The following DDI2 variants were observed in gnomAD, a reference collection of about 807,000 sequenced individuals.
The protein encoded by DDI2 is DDI proteasomal shuttling factor 2, also known as protein DDI1 homolog 2.
A neutral mutation model predicts 48.1 loss-of-function variants in DDI2; 5 were observed. That is an observed-to-expected ratio of 0.10 (90% confidence interval 0.05 to 0.22). The LOEUF (loss-of-function observed/expected upper bound fraction) is 0.22, where lower values mean the gene tolerates loss of function less well. Among genes scored for constraint, DDI2 ranks in the 10% least tolerant of loss-of-function variants. The probability of loss-of-function intolerance (pLI) is 1.00; values close to 1 mark genes in which losing one functional copy is unlikely to be tolerated. For synonymous variants in DDI2, 205 were observed against 183.6 expected, an observed-to-expected ratio of 1.12 and a Z score of -0.94; for missense variants, 285 against 506.2, an observed-to-expected ratio of 0.56 and a Z score of 4.19.
rs778812658 is a variant in DDI2, at chr1:15,660,661, ACAGG to A, written c.*879_*882del. The A allele has an allele frequency of 6.2e-7, 1 of 1,614,224 alleles. No homozygotes were observed. The highest frequency in any genetic ancestry group is 8.5e-7 in the Non-Finnish European group (1 of 1,180,048). On this transcript the variant is annotated 3_prime_UTR_variant, in exon 10 of 10. Transcript: ENST00000480945. ...GTCCCTAGTTACTTTGCTTAATTCA[ACAGG>A]CAGGCAGAATGCCAATGTCAAGAAC...
At position 15,665,788 on chromosome 1, in the gene DDI2, A is replaced by G. The variant is rs919348645; in HGVS notation, c.*5998A>G. On this transcript the variant is annotated 3_prime_UTR_variant, in exon 10 of 10. Transcript: ENST00000480945. ...GCCAGAAAAGCTGCAGGGCGTTGCA[A>G]TGGCCTTTTCCTACCTGTTTGCCAC... is the stretch of plus-strand genomic sequence containing the variant. 20 of 152,332 alleles carry G rather than the reference A, an allele frequency of 1.3e-4. No homozygotes were observed. The highest frequency in any genetic ancestry group is 1.9e-4 in the African/African-American group (8 of 41,582). 9.4% of individuals were successfully genotyped at this position (152,332 alleles called of 1,614,324 possible). A position where few individuals can be genotyped will look rare whatever the true frequency, so the allele number is the denominator to read the frequency against.
chr1:15,650,406 G>A (rs1640158858), intron 7 of DDI2, among the ~76,000 whole-genome samples: 1 of 152,160 alleles, frequency 6.6e-6, no homozygotes, highest in Admixed American at 6.5e-5. Context: ...TGGTATGGCT[G>A]TAGACCTCAC....
At chr1:15,653,779 G>C (rs1010370592) in intron 8 of DDI2, among the ~76,000 whole-genome samples, 1 of 152,130 alleles carries the variant, frequency 6.6e-6, no homozygotes, top group African/African-American at 2.4e-5. Context: ...TTATAGGAAC[G>C]AGACACCATG....
intron 4 of DDI2, among the ~76,000 whole-genome samples, chr1:15,634,992 G>A (rs1468067180): frequency 6.6e-6 from 1 of 152,098 alleles, no homozygotes; most frequent in African/African-American, 2.4e-5. Context: ...GCTCATGCCT[G>A]TAATCCCAAC....
chr1:15,653,884 AATC>A (rs1321927596), intron 8 of DDI2, among the ~76,000 whole-genome samples: 1 of 152,162 alleles, frequency 6.6e-6, no homozygotes, highest in Admixed American at 6.6e-5. Flanking sequence ...TATATATTGA[AATC>A]ATGCTACCTA....
intron 4 of DDI2, 107 bp from the exon 5 acceptor site, chr1:15,638,200 T>A: frequency 1.3e-6 from 2 of 1,530,310 alleles, no homozygotes; most frequent in Non-Finnish European, 1.8e-6. Flanking sequence ...CTGCTGTGCT[T>A]GGGGCAAAAG....
At chr1:15,633,723 T>G in intron 4 of DDI2, 158 bp downstream of exon 4, 1 of 1,091,478 alleles carries the variant, frequency 9.2e-7, no homozygotes, top group Non-Finnish European at 1.4e-6. Context: ...TCCTCTTTCA[T>G]TTTCTATGCA....
rs573648039 is a variant in DDI2, at chr1:15,661,951, G to A, written c.*2161G>A. On this transcript the variant is annotated 3_prime_UTR_variant, in exon 10 of 10. Coordinates refer to ENST00000480945, the MANE Select transcript of DDI2 (RefSeq NM_032341.5). ...TGTTAAAATTTAGGCCTTTTTAAATGTATTGGCAGTATGTGCATACAGAAG... is the reference window on the plus strand; with the variant it reads ...TGTTAAAATTTAGGCCTTTTTAAATATATTGGCAGTATGTGCATACAGAAG... 7.9e-6 allele frequency: 4 copies of A among 503,732 alleles called. No individual in the cohort carries two copies. Among genetic ancestry groups the A allele is most frequent in the African/African-American group, 7.8e-5 (4 of 51,256 alleles). The allele number at this position is 503,732 out of a possible 1,614,324, so 31.2% of individuals were successfully genotyped here.
At chr1:15,641,384 A>G (rs1640004976) in intron 5 of DDI2, among the ~76,000 whole-genome samples, 1 of 152,082 alleles carries the variant, frequency 6.6e-6, no homozygotes, top group Non-Finnish European at 1.5e-5. Context: ...AGGCAGGACA[A>G]TAGCCTGAAC....
chr1:15,645,711 A>AT (rs1557620120), intron 6 of DDI2, among the ~76,000 whole-genome samples: 1 of 152,052 alleles, frequency 6.6e-6, no homozygotes, highest in African/African-American at 2.4e-5. Context: ...TCTACAAAAA[A>AT]TTTTTTTAAA....
chr1:15,649,531 C>T (rs1195226226), intron 6 of DDI2, among the ~76,000 whole-genome samples, 189 bp from the exon 7 acceptor site: 1 of 151,790 alleles, frequency 6.6e-6, no homozygotes, highest in African/African-American at 2.4e-5. Flanking sequence ...ATTAGCCAGG[C>T]GTGGTGGCAC....
chr1:15,640,399 A>G (rs1639988997), intron 5 of DDI2, among the ~76,000 whole-genome samples: 1 of 152,228 alleles, frequency 6.6e-6, no homozygotes, highest in South Asian at 2.1e-4. Context: ...TCTTTTACAC[A>G]TAAGGAAACT....
chr1:15,658,155 AT>A (rs1209257693), intron 9 of DDI2, among the ~76,000 whole-genome samples: 1 of 151,672 alleles, frequency 6.6e-6, no homozygotes, highest in Non-Finnish European at 1.5e-5. Flanking sequence ...TTTTATTATT[AT>A]TATTTTTTAT....
At position 15,665,262 on chromosome 1, in the gene DDI2, CAA is replaced by C. The variant is rs1220947128; in HGVS notation, c.*5489_*5490del. 36 of 95,876 alleles carry C rather than the reference CAA, an allele frequency of 3.8e-4. No individual in the cohort carries two copies. The highest frequency in any genetic ancestry group is 5.0e-4 in the Admixed American group (4 of 8,000). The allele number at this position is 95,876 out of a possible 1,614,324, so 5.9% of individuals were successfully genotyped here. A position where few individuals can be genotyped will look rare whatever the true frequency, so the allele number is the denominator to read the frequency against. On this transcript the variant is annotated 3_prime_UTR_variant, in exon 10 of 10. Coordinates refer to ENST00000480945, the MANE Select transcript of DDI2 (RefSeq NM_032341.5). ...GGGCAACAAGAGCAAAACTCTGTCT[CAA>C]AAAAAAAAAAAAAAAAGGTAACCAG...
intron 5 of DDI2, among the ~76,000 whole-genome samples, chr1:15,643,219 C>T (rs1640037578): frequency 6.6e-6 from 1 of 152,220 alleles, no homozygotes. Flanking sequence ...TTTAGCATTG[C>T]CATCTGTAGA....
Position 15,663,401 on chromosome 1 carries a change from GTATGT to G in DDI2, c.*3615_*3619del, listed in dbSNP as rs1356664498. 6.6e-6 allele frequency: 1 copy of G among 152,170 alleles called. No individual in the cohort carries two copies. Among genetic ancestry groups the G allele is most frequent in the African/African-American group, 2.4e-5 (1 of 41,444 alleles). 9.4% of individuals were successfully genotyped at this position (152,170 alleles called of 1,614,324 possible). ...TTTCCTTTTGCTATGATGTTTGTAT[GTATGT>G]TATAAGACTTTAGTGATGGGATGGC... On this transcript the variant is annotated 3_prime_UTR_variant, in exon 10 of 10. Coordinates refer to ENST00000480945, the MANE Select transcript of DDI2 (RefSeq NM_032341.5).
chr1:15,659,897 T>G lies in DDI2; in HGVS notation c.*107T>G, dbSNP rs1487294636. 8 of 1,599,908 alleles carry G rather than the reference T, an allele frequency of 5.0e-6. No individual in the cohort carries two copies. Among genetic ancestry groups the G allele is most frequent in the Non-Finnish European group, 6.8e-6 (8 of 1,175,188 alleles). Reference sequence around the variant, plus strand: ...TCATCATTACCAACTTCAGATGGGTTTAACCATCCCGCCCGTTCTTCAGGA... The same window carrying G: ...TCATCATTACCAACTTCAGATGGGTGTAACCATCCCGCCCGTTCTTCAGGA... On this transcript the variant is annotated 3_prime_UTR_variant, in exon 10 of 10. Coordinates refer to ENST00000480945, the MANE Select transcript of DDI2 (RefSeq NM_032341.5).
intron 1 of DDI2, among the ~76,000 whole-genome samples, chr1:15,624,615 A>G (rs1024312288): frequency 6.6e-6 from 1 of 151,958 alleles, no homozygotes; most frequent in Non-Finnish European, 1.5e-5. Flanking sequence ...CTACAGTCAC[A>G]TGCTACCATG....
At chr1:15,626,620 G>T (rs567947411) in intron 1 of DDI2, 49 bp from the exon 2 acceptor site, 1 of 1,610,674 alleles carries the variant, frequency 6.2e-7, no homozygotes. Flanking sequence ...GCCTTGCGCT[G>T]TGTTACTTCT....
Sources: allele counts gnomAD v4.1 joint callset (sites outside exome capture counted in the v4.1 genomes callset), GRCh38; gene constraint gnomAD v4.1.1; transcripts MANE v1.5; gene names NCBI Gene and HGNC (gene_info 2026-07-23, HGNC 2026-07-21).